SORBS3: variants seen among roughly 807,000 people sequenced by gnomAD.
The protein encoded by SORBS3 is sorbin and SH3 domain containing 3, also known as vinexin.
A neutral mutation model predicts 98.0 loss-of-function variants in SORBS3; 69 were observed. That is an observed-to-expected ratio of 0.70 (90% CI 0.58 to 0.86). The LOEUF (loss-of-function observed/expected upper bound fraction) is 0.86. Ranked by LOEUF, SORBS3 falls within the 40% of genes least tolerant of loss-of-function variation. The probability of loss-of-function intolerance (pLI) is 0.00; values close to 1 mark genes in which losing one functional copy is unlikely to be tolerated. For synonymous variants in SORBS3, 394 were observed against 355.4 expected, an observed-to-expected ratio of 1.11 and a Z score of -1.22; for missense variants, 954 against 908.5, an observed-to-expected ratio of 1.05 and a Z score of -0.64.
chr8:22,574,836 C>T lies in SORBS3; in HGVS notation c.*108C>T. 2.7e-6 allele frequency: 3 copies of T among 1,108,360 alleles called. No individual in the cohort carries two copies. The highest frequency in any genetic ancestry group is 2.8e-6 in the Non-Finnish European group (2 of 724,754). 68.7% of individuals were successfully genotyped at this position (1,108,360 alleles called of 1,614,324 possible). On this transcript the variant is annotated 3_prime_UTR_variant, in exon 21 of 21. Transcript: ENST00000240123. ...ATCCTCCTTCCCCAGGACCTGAGCT[C>T]CCAGCATCTGCAGACGACCCCCGCA...
chr8:22,570,916 C>A lies in SORBS3; in HGVS notation c.1438C>A (p.His480Asn). 2 of 1,594,626 alleles carry A rather than the reference C, an allele frequency of 1.3e-6. No individual in the cohort carries two copies. The highest frequency in any genetic ancestry group is 2.3e-5 in the South Asian group (2 of 88,648). Reference sequence around the variant, plus strand: ...CTGACTTTTCCCCCCTCAGGGAGAGCACATCTGCCTGATCCGCAAGGTGAA... The same window carrying A: ...CTGACTTTTCCCCCCTCAGGGAGAGAACATCTGCCTGATCCGCAAGGTGAA... ...EVELSFRKGE[H>N]ICLIRKVNEN... Residue 480 changes from histidine (H) to asparagine (N), a missense_variant, in exon 18 of 21, where the codon CAC becomes AAC. Transcript: ENST00000240123.
chr8:22,568,481 T>C (rs907426344), intron 16 of SORBS3, among the ~76,000 whole-genome samples: 4 of 152,180 alleles, frequency 2.6e-5, no homozygotes, highest in Admixed American at 1.3e-4. Flanking sequence ...CTTTGACCCA[T>C]GGGTTGGGTT....
chr8:22,567,179 A>T lies in SORBS3; in HGVS notation c.1305+4A>T. 6.3e-7 allele frequency: 1 copy of T among 1,580,988 alleles called. No homozygotes were observed. Among genetic ancestry groups the T allele is most frequent in the Non-Finnish European group, 8.7e-7 (1 of 1,151,214 alleles). On this transcript the variant is annotated splice_donor_region_variant and intron_variant, in intron 16 of 20. Coordinates refer to ENST00000240123, the MANE Select transcript of SORBS3 (RefSeq NM_005775.5). The stretch of plus-strand genomic sequence containing the variant: ...CTTCCCTGCTAATTATGTGGAGGTG[A>T]GCAGGAGAGACAAGAGCAAGTGGGG...
intron 7 of SORBS3, among the ~76,000 whole-genome samples, chr8:22,562,147 CA>C (rs1296423405): frequency 6.6e-6 from 1 of 152,222 alleles, no homozygotes; most frequent in Non-Finnish European, 1.5e-5. Context: ...GAAGGGTAGG[CA>C]AGAGTGGACC....
At chr8:22,567,969 T>G (rs1211388178) in intron 16 of SORBS3, among the ~76,000 whole-genome samples, 1 of 152,070 alleles carries the variant, frequency 6.6e-6, no homozygotes, top group Non-Finnish European at 1.5e-5. Context: ...TGCCCCAGCT[T>G]CCTAAGTAGC....
In SORBS3 at chr8:22,564,295, C is replaced by G. The variant is rs143257462; in HGVS notation, c.688C>G (p.Arg230Gly). 3.6e-5 allele frequency: 58 copies of G among 1,603,388 alleles called. No individual in the cohort carries two copies. The African/African-American group carries it at 6.3e-4, about 17-fold the overall frequency. The change falls in exon 9 of 21, where the codon CGG becomes GGG. Residue 230 changes from arginine to glycine, a missense_variant. Physicochemically the swap from Arg to Gly is moderately radical, Grantham distance 125. Transcript: ENST00000240123. ...LQPSNQVLRR[R>G]EKVDNVWTEE... The stretch of plus-strand genomic sequence containing the variant: ...CACCTCCACGCAGGTGCTCAGACGC[C>G]GGGAAAAAGTAGACAATGTCTGGAC...
At chr8:22,563,503 G>A (rs1277468537) in intron 7 of SORBS3, among the ~76,000 whole-genome samples, 2 of 152,132 alleles carry the variant, frequency 1.3e-5, no homozygotes, top group African/African-American at 4.8e-5. Context: ...GGCTTTCCTT[G>A]CCCATGGGTG....
At position 22,565,249 on chromosome 8, in the gene SORBS3, A is replaced by T; in HGVS notation, c.817-19A>T. ...CACGGTGCGCTGCCCCTCACTGCCC[A>T]GCCTCTCCCCGCCCCCAGGTGCTGC... is the stretch of plus-strand genomic sequence containing the variant. On this transcript the variant is annotated intron_variant, in intron 10 of 20. Coordinates refer to ENST00000240123, the MANE Select transcript of SORBS3 (RefSeq NM_005775.5). 1 of 1,547,600 alleles carries T rather than the reference A, an allele frequency of 6.5e-7. No individual in the cohort carries two copies. The highest frequency in any genetic ancestry group is 8.7e-7 in the Non-Finnish European group (1 of 1,144,548).
intron 3 of SORBS3, 121 bp downstream of exon 3, chr8:22,555,101 G>A (rs559558698): frequency 1.2e-6 from 1 of 815,610 alleles, no homozygotes; most frequent in Non-Finnish European, 2.0e-6. Flanking sequence ...CCATGAGGAG[G>A]TTCCTCAGAG....
At chr8:22,561,646 C>T (rs1840297696) in intron 6 of SORBS3, 1 of 614,492 alleles carries the variant, frequency 1.6e-6, no homozygotes, top group Non-Finnish European at 2.9e-6. Flanking sequence ...GAGATCATCA[C>T]CTACTCGGAG....
At chr8:22,552,162 C>A in intron 1 of SORBS3, 140 bp downstream of exon 1, 15 of 741,068 alleles carry the variant, frequency 2.0e-5, no homozygotes, top group Non-Finnish European at 2.5e-5. Flanking sequence ...GCCCTCATAC[C>A]AGAAAAAGCG....
intron 11 of SORBS3, 195 bp downstream of exon 11, chr8:22,565,549 C>T: frequency 1.7e-6 from 1 of 575,020 alleles, no homozygotes; most frequent in Non-Finnish European, 2.6e-6. Flanking sequence ...CGTCGACTTT[C>T]GCAAGTGACC....
chr8:22,558,833 T>C (rs1392570812), intron 5 of SORBS3, among the ~76,000 whole-genome samples: 1 of 152,040 alleles, frequency 6.6e-6, no homozygotes, highest in Non-Finnish European at 1.5e-5. Flanking sequence ...GATCAGACCA[T>C]GGAGGGAGTG....
chr8:22,574,029 A>T (rs1840659756), intron 20 of SORBS3, among the ~76,000 whole-genome samples: 1 of 151,794 alleles, frequency 6.6e-6, no homozygotes. Flanking sequence ...GTCCCCAGTG[A>T]CTCCATCAGT....
At chr8:22,574,414 T>C (rs1840674412) in intron 20 of SORBS3, among the ~76,000 whole-genome samples, 1 of 144,222 alleles carries the variant, frequency 6.9e-6, no homozygotes, top group African/African-American at 2.6e-5. Flanking sequence ...GTGACTCTGC[T>C]GTGTACAGTG....
chr8:22,564,202 G>A lies in SORBS3; in HGVS notation c.676-81G>A, dbSNP rs975024517. The stretch of plus-strand genomic sequence containing the variant: ...ACCGTGGGCCCAGGGGAAGGGCAGG[G>A]GCCTGCAAGCCTGCATTTTGAGCCT... On this transcript the variant is annotated intron_variant, in intron 8 of 20. Coordinates refer to ENST00000240123, the MANE Select transcript of SORBS3 (RefSeq NM_005775.5). 5.4e-6 allele frequency: 8 copies of A among 1,492,282 alleles called. No individual in the cohort carries two copies. The African/African-American group carries it at 8.4e-5, about 16-fold the overall frequency. The allele number at this position is 1,492,282 out of a possible 1,614,324, so 92.4% of individuals were successfully genotyped here.
At chr8:22,574,258 G>A (rs893401584) in intron 20 of SORBS3, among the ~76,000 whole-genome samples, 9 of 152,182 alleles carry the variant, frequency 5.9e-5, no homozygotes, top group African/African-American at 2.2e-4. Context: ...AAGCGTCGGG[G>A]TGCTCTCGGG....
intron 1 of SORBS3, among the ~76,000 whole-genome samples, chr8:22,553,299 G>A (rs140005615): frequency 5.1e-4 from 77 of 152,216 alleles, no homozygotes; most frequent in African/African-American, 1.8e-3. Flanking sequence ...TCCTCCCGAT[G>A]CATTTGCAGC....
intron 20 of SORBS3, among the ~76,000 whole-genome samples, chr8:22,573,967 G>C (rs1022216899): frequency 6.6e-6 from 1 of 152,188 alleles, no homozygotes; most frequent in African/African-American, 2.4e-5. Flanking sequence ...CCAGAGGCAG[G>C]GGTGTGCAGG....
Sources: allele counts gnomAD v4.1 joint callset (sites outside exome capture counted in the v4.1 genomes callset), GRCh38; gene constraint gnomAD v4.1.1; transcripts MANE v1.5; gene names NCBI Gene and HGNC (gene_info 2026-07-23, HGNC 2026-07-21).